The following IFT172 variants were observed in gnomAD, a reference collection of about 807,000 sequenced individuals.
IFT172 encodes intraflagellar transport 172.
IFT172 carries 164 observed loss-of-function variants against 248.9 expected under a neutral mutation model. That is an observed-to-expected ratio of 0.66 (90% confidence interval 0.58 to 0.75). The LOEUF (loss-of-function observed/expected upper bound fraction) is 0.75, where lower values mean the gene tolerates loss of function less well. IFT172 is among the 30% of genes least tolerant of loss of function. IFT172 has a pLI of 0.00. For missense variants in IFT172, 1,950 were observed against 2,192.4 expected (o/e 0.89, Z 2.21); for synonymous variants, 729 against 791.6 (o/e 0.92, Z 1.33).
At chr2:27,463,037 G>A in intron 19 of IFT172, 60 bp downstream of exon 19, 1 of 1,568,826 alleles carries the variant, frequency 6.4e-7, no homozygotes, top group Non-Finnish European at 8.8e-7. Context: ...TCATGGGGCT[G>A]AATACTAAGA....
chr2:27,449,131 G>A (rs187852490), intron 39 of IFT172, 100 bp from the exon 40 acceptor site: 6 of 1,085,008 alleles, frequency 5.5e-6, no homozygotes, highest in East Asian at 4.7e-5. Context: ...GAAAAAGGGT[G>A]TACGCAAACC....
chr2:27,485,207 T>C, intron 2 of IFT172, 77 bp from the exon 3 acceptor site: 2 of 1,430,214 alleles, frequency 1.4e-6, no homozygotes, highest in Non-Finnish European at 1.9e-6. Context: ...AAAAAAGGCA[T>C]ATGTGTGCTC....
Position 27,454,650 on chromosome 2 carries a change from A to G in IFT172, c.3382T>C (p.Phe1128Leu), listed in dbSNP as rs1046746620. ...GCCAGCCGAGAGAGTTCAAACGCAAATTCAAAGGAGCTGAAACAGAAAGTG... is the reference window on the plus strand; with the variant it reads ...GCCAGCCGAGAGAGTTCAAACGCAAGTTCAAAGGAGCTGAAACAGAAAGTG... ...DHAADNCSFE[F>L]AFELSRLALK... The change falls in exon 31 of 48, where the codon TTT becomes CTT. Residue 1128 changes from phenylalanine to leucine, a missense_variant. Around this residue, in one of 3 missense-constraint regions of IFT172, gnomAD observed 164 missense variants for 239.3 expected, o/e 0.69. Coordinates refer to ENST00000260570, the MANE Select transcript of IFT172 (RefSeq NM_015662.3). The surrounding 1 kb of genome is among the most constrained non-coding windows in gnomAD (Gnocchi z 4.2). The G allele has an allele frequency of 1.9e-6, 3 of 1,614,164 alleles. No individual in the cohort carries two copies. The highest frequency in any genetic ancestry group is 2.5e-6 in the Non-Finnish European group (3 of 1,180,022).
intron 35 of IFT172, among the ~76,000 whole-genome samples, chr2:27,450,851 C>T (rs1454974332): frequency 6.6e-6 from 1 of 151,980 alleles, no homozygotes; most frequent in African/African-American, 2.4e-5. Context: ...CGTGGCCTCC[C>T]AAAGTTCTGG....
rs757812352 is a variant in IFT172, at chr2:27,477,248, G to A, written c.1294C>T (p.Arg432Cys). 46 of 1,613,946 alleles carry A rather than the reference G, an allele frequency of 2.9e-5. No homozygotes were observed. The highest frequency in any genetic ancestry group is 6.7e-5 in the Admixed American group (4 of 59,998). ...YGNNDTLGSV[R>C]TEFMNPHLIS... ...AGGTGGGGGTTCATGAATTCAGTGC[G>A]TACAGAACCCAGGGTGTCATTATTC... Residue 432 changes from arginine to cysteine, a missense_variant, in exon 13 of 48, where the codon CGC (arginine) becomes TGC (cysteine). Around this residue, in one of 3 missense-constraint regions of IFT172, gnomAD observed 1,166 missense variants for 1,254.1 expected, o/e 0.93. Coordinates refer to ENST00000260570, the MANE Select transcript of IFT172 (RefSeq NM_015662.3).
rs1365374137 is a variant in IFT172, at chr2:27,457,873, G to T, written c.3079C>A (p.Leu1027Ile). The T allele has an allele frequency of 6.2e-7, 1 of 1,614,102 alleles. No individual in the cohort carries two copies. Among genetic ancestry groups the T allele is most frequent in the Non-Finnish European group, 8.5e-7 (1 of 1,180,046 alleles). ...IRLVGKHHPD[L>I]LSDTHLHLGK... ...AGATGTAGGTGTGTATCACTGAGGA[G>T]ATCTGGATGGTGCTTCCCTACCAGG... is the stretch of plus-strand genomic sequence containing the variant. The change falls in exon 28 of 48, where the codon CTC becomes ATC. Residue 1027 changes from leucine (L) to isoleucine (I), a missense_variant. Physicochemically the swap from Leu to Ile is conservative, Grantham distance 5. Around this residue, in one of 3 missense-constraint regions of IFT172, gnomAD observed 164 missense variants for 239.3 expected, o/e 0.69. Transcript: ENST00000260570.
At position 27,481,229 on chromosome 2, in the gene IFT172, T is replaced by C. The variant is rs768237211; in HGVS notation, c.602A>G (p.Tyr201Cys). The stretch of plus-strand genomic sequence containing the variant: ...GCTATTGGTTGCCCATGCCAAGGCA[T>C]AGGGTGGACACGGGTGGTTAACCAA... ...GKLVNHPCPPYALAWATNSIV... is the reference protein window; with the variant it reads ...GKLVNHPCPPCALAWATNSIV... The change falls in exon 8 of 48, where the codon TAT (tyrosine) becomes TGT (cysteine). Residue 201 changes from tyrosine to cysteine, a missense_variant. By Grantham distance (194) the Tyr-to-Cys change is radical. Around this residue, in one of 3 missense-constraint regions of IFT172, gnomAD observed 1,166 missense variants for 1,254.1 expected, o/e 0.93. Transcript: ENST00000260570. The C allele has an allele frequency of 2.6e-5, 42 of 1,612,306 alleles. No individual in the cohort carries two copies. The highest frequency in any genetic ancestry group is 2.3e-4 in the South Asian group (21 of 90,974).
chr2:27,460,913 A>G, intron 23 of IFT172, 102 bp downstream of exon 23: 1 of 1,235,432 alleles, frequency 8.1e-7, no homozygotes, highest in South Asian at 1.2e-5. Context: ...TACGAGAAAC[A>G]CCCACAGGTG....
chr2:27,477,282 C>T lies in IFT172; in HGVS notation c.1260G>A (p.Val420=). 6.2e-7 allele frequency: 1 copy of T among 1,614,138 alleles called. No homozygotes were observed. The highest frequency in any genetic ancestry group is 8.5e-7 in the Non-Finnish European group (1 of 1,180,030). The stretch of plus-strand genomic sequence containing the variant: ...CCAGGGTGTCATTATTCCCATATTC[C>T]ACCAGGGTTAGCTCTCCGGCATTGA... ...MIFNAGELTL[V]EYGNNDTLGS... Residue 420 remains valine (V), a synonymous_variant, in exon 13 of 48, where the codon GTG becomes GTA. Coordinates refer to ENST00000260570, the MANE Select transcript of IFT172 (RefSeq NM_015662.3).
At chr2:27,463,223 A>T (rs1315847662) in intron 18 of IFT172, 42 bp from the exon 19 acceptor site, 1 of 1,531,220 alleles carries the variant, frequency 6.5e-7, no homozygotes, top group South Asian at 1.1e-5. Flanking sequence ...ATATTATTAT[A>T]GAATCATCAT....
chr2:27,481,957 TC>T (rs1364101772), intron 7 of IFT172, among the ~76,000 whole-genome samples: 4 of 151,348 alleles, frequency 2.6e-5, no homozygotes, highest in Non-Finnish European at 4.4e-5. Context: ...TTAAGGAGGG[TC>T]AAATTTCAGT....
At chr2:27,455,545 A>G in intron 30 of IFT172, 1 of 204,790 alleles carries the variant, frequency 4.9e-6, no homozygotes. Flanking sequence ...TGTCTCTACT[A>G]AAAAAGTACA....
chr2:27,448,604 A>G (rs372959690), intron 40 of IFT172, among the ~76,000 whole-genome samples: 58 of 152,312 alleles, frequency 3.8e-4, no homozygotes, highest in African/African-American at 1.3e-3. Context: ...GAGGAAGTCA[A>G]TAAAGGCCCT....
Position 27,477,251 on chromosome 2 carries a change from C to T in IFT172, c.1291G>A (p.Val431Ile), listed in dbSNP as rs149985362. 8.1e-6 allele frequency: 13 copies of T among 1,614,028 alleles called. No homozygotes were observed. Among genetic ancestry groups the T allele is most frequent in the Non-Finnish European group, 1.1e-5 (13 of 1,180,008 alleles). The stretch of plus-strand genomic sequence containing the variant: ...TGGGGGTTCATGAATTCAGTGCGTA[C>T]AGAACCCAGGGTGTCATTATTCCCA... ...EYGNNDTLGS[V>I]RTEFMNPHLI... The change falls in exon 13 of 48, where the codon GTA becomes ATA. Residue 431 changes from valine (V) to isoleucine (I), a missense_variant. By Grantham distance (29) the Val-to-Ile change is conservative. Transcript: ENST00000260570.
chr2:27,486,331 C>G (rs1431605013), intron 1 of IFT172: 1 of 167,052 alleles, frequency 6.0e-6, no homozygotes, highest in Non-Finnish European at 1.5e-5. Flanking sequence ...ACTTTCTTTT[C>G]TTCTTAACTA....
chr2:27,477,147 G>T (rs1178011134), intron 13 of IFT172, 70 bp downstream of exon 13: 3 of 1,341,488 alleles, frequency 2.2e-6, no homozygotes, highest in Non-Finnish European at 3.2e-6. Flanking sequence ...TTAACTGGAG[G>T]ACACAGAATT....
rs572947825 is a variant in IFT172 at position 27,463,826 on chromosome 2, C to T, written c.1938-645G>A. ...CTCTATAGCAGGTATGAGCTTGGCA[C>T]ACTCACAGAGCCAAAAGGATGCCAG... On this transcript the variant is annotated intron_variant, in intron 18 of 47. Coordinates refer to ENST00000260570, the MANE Select transcript of IFT172 (RefSeq NM_015662.3). 2.0e-5 allele frequency among the ~76,000 whole-genome samples: 3 copies of T among 152,200 alleles called. No homozygotes were observed. In the South Asian group the frequency reaches 6.2e-4, roughly 32 times the overall value.
intron 1 of IFT172, among the ~76,000 whole-genome samples, chr2:27,487,837 G>A (rs998693479): frequency 7.9e-5 from 12 of 152,040 alleles, no homozygotes; most frequent in Admixed American, 3.3e-4. Flanking sequence ...TGCCTGCCTC[G>A]GCCTCCCAAA....
chr2:27,489,474 G>C (rs1356193301), intron 1 of IFT172, 141 bp downstream of exon 1: 2 of 624,844 alleles, frequency 3.2e-6, no homozygotes, highest in Non-Finnish European at 5.7e-6. Flanking sequence ...ACGCTGTATC[G>C]ACAGGCCAAG....
Sources: gnomAD v4.1 joint callset for allele counts (sites outside exome capture counted in the v4.1 genomes callset) on GRCh38, gnomAD v4.1.1 for gene constraint, gnomAD v4.1.1 regional missense constraint, Gnocchi (gnomAD v3.1) non-coding constraint, MANE v1.5 for transcripts, NCBI Gene and HGNC (gene_info 2026-07-23, HGNC 2026-07-21) for gene names.